The following TXNDC16 variants were observed in gnomAD, a reference collection of about 807,000 sequenced individuals.
TXNDC16 encodes the protein thioredoxin domain-containing protein 16.
In TXNDC16, 74 loss-of-function variants were observed where a neutral mutation model predicts 85.6. The observed-to-expected ratio is 0.86, with a 90% CI of 0.72 to 1.05. The LOEUF is 1.05. Among genes scored for constraint, TXNDC16 ranks in the 50% least tolerant of loss-of-function variants. The pLI, the probability that TXNDC16 is intolerant of heterozygous loss-of-function variation, is 0.00. For missense variants in TXNDC16, 959 were observed against 947.0 expected, an observed-to-expected ratio of 1.01 and a Z score of -0.17; for synonymous variants, 335 against 326.5, an observed-to-expected ratio of 1.03 and a Z score of -0.28.
chr14:52,505,800 G>C (rs2036784286), intron 9 of TXNDC16, among the ~76,000 whole-genome samples: 1 of 151,990 alleles, frequency 6.6e-6, no homozygotes, highest in Non-Finnish European at 1.5e-5. Context: ...TTTTTGAAAA[G>C]ATCAACAAAA....
intron 9 of TXNDC16, among the ~76,000 whole-genome samples, chr14:52,493,830 G>A (rs1415629799): frequency 6.6e-6 from 1 of 151,914 alleles, no homozygotes. Context: ...CCAGGCTGGA[G>A]TGCAGTGTCA....
intron 18 of TXNDC16, among the ~76,000 whole-genome samples, chr14:52,454,352 G>A (rs2035479241): frequency 6.6e-6 from 1 of 151,528 alleles, no homozygotes; most frequent in Non-Finnish European, 1.5e-5. Context: ...CTTGAGACCG[G>A]CAGGCGGAGG....
intron 16 of TXNDC16, among the ~76,000 whole-genome samples, chr14:52,467,909 T>C (rs1194083339): frequency 6.6e-6 from 1 of 152,224 alleles, no homozygotes; most frequent in African/African-American, 2.4e-5. Flanking sequence ...TGGAATACTA[T>C]TCGGCCTAAA....
intron 20 of TXNDC16, among the ~76,000 whole-genome samples, chr14:52,432,913 C>T (rs1218078263): frequency 6.6e-6 from 1 of 152,082 alleles, no homozygotes; most frequent in Non-Finnish European, 1.5e-5. Flanking sequence ...ATATGTGTAA[C>T]AAGATCACAT....
chr14:52,517,924 T>G (rs2037122745), intron 7 of TXNDC16, among the ~76,000 whole-genome samples: 1 of 152,170 alleles, frequency 6.6e-6, no homozygotes, highest in African/African-American at 2.4e-5. Flanking sequence ...CTATCAGGCA[T>G]TAAACCCCTA....
At chr14:52,532,868 T>C (rs954143331) in intron 6 of TXNDC16, among the ~76,000 whole-genome samples, 1 of 152,176 alleles carries the variant, frequency 6.6e-6, no homozygotes, top group African/African-American at 2.4e-5. Context: ...TTGTTCCTCA[T>C]GGCAATTTGC....
intron 18 of TXNDC16, among the ~76,000 whole-genome samples, chr14:52,448,473 T>C (rs1181480628): frequency 6.6e-6 from 1 of 151,916 alleles, no homozygotes; most frequent in Non-Finnish European, 1.5e-5. Context: ...AAATAAAAAC[T>C]TCCCCAGACA....
chr14:52,503,602 A>G (rs2036715900), intron 9 of TXNDC16, among the ~76,000 whole-genome samples: 1 of 152,242 alleles, frequency 6.6e-6, no homozygotes, highest in Non-Finnish European at 1.5e-5. Flanking sequence ...CCAAAGGTAG[A>G]TAAAAAACCA....
At chr14:52,538,474 TA>T (rs1291464265) in intron 4 of TXNDC16, among the ~76,000 whole-genome samples, 1 of 152,036 alleles carries the variant, frequency 6.6e-6, no homozygotes, top group Non-Finnish European at 1.5e-5. Context: ...AACACAAAGA[TA>T]AGGAGAGTTT....
chr14:52,488,502 T>C lies in TXNDC16; in HGVS notation c.985-16A>G, dbSNP rs752013442. 1.3e-6 allele frequency: 2 copies of C among 1,571,810 alleles called. No homozygotes were observed. Among genetic ancestry groups the C allele is most frequent in the South Asian group, 1.1e-5 (1 of 87,888 alleles). ...CTGGAACTCCCTAGAAATACATTAA[T>C]TTTTAAAAAATGAATATAGCAAAGT... is the stretch of plus-strand genomic sequence containing the variant. On this transcript the variant is annotated splice_polypyrimidine_tract_variant and intron_variant, in intron 11 of 20. Coordinates refer to ENST00000281741, the MANE Select transcript of TXNDC16 (RefSeq NM_020784.3).
At chr14:52,436,081 G>A (rs761383781) in intron 20 of TXNDC16, among the ~76,000 whole-genome samples, 9 of 152,134 alleles carry the variant, frequency 5.9e-5, no homozygotes, top group African/African-American at 2.2e-4. Flanking sequence ...AATCAAGACA[G>A]TGCAGTACTA....
intron 6 of TXNDC16, among the ~76,000 whole-genome samples, chr14:52,520,715 A>G (rs1036476888): frequency 6.6e-6 from 1 of 152,206 alleles, no homozygotes; most frequent in Non-Finnish European, 1.5e-5. Context: ...GTGCATAAGT[A>G]TGTATTTTTG....
chr14:52,489,469 A>G (rs1404589387), intron 11 of TXNDC16, among the ~76,000 whole-genome samples: 1 of 152,170 alleles, frequency 6.6e-6, no homozygotes, highest in African/African-American at 2.4e-5. Context: ...GTTCTTTGCT[A>G]TCACATATCT....
At chr14:52,449,460 T>C (rs1223611610) in intron 18 of TXNDC16, among the ~76,000 whole-genome samples, 1 of 152,030 alleles carries the variant, frequency 6.6e-6, no homozygotes, top group East Asian at 1.9e-4. Context: ...GCAAATATTA[T>C]TAGGGCCAAA....
chr14:52,488,938 A>C (rs550190171), intron 11 of TXNDC16, among the ~76,000 whole-genome samples: 27 of 152,254 alleles, frequency 1.8e-4, no homozygotes, highest in African/African-American at 6.0e-4. Flanking sequence ...AATTAACTCC[A>C]AAATTACTGT....
intron 12 of TXNDC16, among the ~76,000 whole-genome samples, chr14:52,483,834 T>C (rs983512406): frequency 7.9e-5 from 12 of 152,298 alleles, no homozygotes; most frequent in Admixed American, 1.3e-4. Flanking sequence ...TGGAAGTTTG[T>C]AGAGATTGTA....
At chr14:52,539,756 A>G (rs1386422028) in intron 4 of TXNDC16, among the ~76,000 whole-genome samples, 3 of 152,166 alleles carry the variant, frequency 2.0e-5, no homozygotes. Context: ...AAGAAAAGTC[A>G]AGGATGACAG....
At chr14:52,492,593 C>G (rs2036434125) in intron 9 of TXNDC16, among the ~76,000 whole-genome samples, 1 of 152,206 alleles carries the variant, frequency 6.6e-6, no homozygotes, top group African/African-American at 2.4e-5. Flanking sequence ...TTTGCCGCCA[C>G]CCAGCACAGC....
At chr14:52,459,183 T>C (rs889303308) in intron 16 of TXNDC16, among the ~76,000 whole-genome samples, 2 of 152,168 alleles carry the variant, frequency 1.3e-5, no homozygotes, top group Non-Finnish European at 2.9e-5. Flanking sequence ...TCACATCTTA[T>C]TGAATAATTA....
Sources: gnomAD v4.1 joint callset for allele counts (sites outside exome capture counted in the v4.1 genomes callset) on GRCh38, gnomAD v4.1.1 for gene constraint, MANE v1.5 for transcripts, NCBI Gene and HGNC (gene_info 2026-07-23, HGNC 2026-07-21) for gene names.